TNFSF4: variants seen among roughly 807,000 people sequenced by gnomAD.
TNFSF4 encodes the protein TNF superfamily member 4.
In TNFSF4, 4 loss-of-function variants were observed where a neutral mutation model predicts 7.3. That is an observed-to-expected ratio of 0.55 (90% CI 0.27 to 1.25). The LOEUF (loss-of-function observed/expected upper bound fraction) is 1.25, where lower values mean the gene tolerates loss of function less well. Among genes scored for constraint, TNFSF4 ranks in the 50% most tolerant of loss-of-function variants. The pLI is 0.12. For synonymous variants in TNFSF4, 76 were observed against 83.7 expected (o/e 0.91, Z 0.50); for missense variants, 181 against 208.8 (o/e 0.87, Z 0.82).
At chr1:173,225,036 C>T in the TNFSF4 span, among the ~76,000 whole-genome samples, 1 of 152,164 alleles carries the variant, frequency 6.6e-6, no homozygotes, top group East Asian at 1.9e-4. Flanking sequence ...CTGTTTCCTG[C>T]CTGTCCTGGC....
intron 1 of TNFSF4, among the ~76,000 whole-genome samples, chr1:173,195,856 G>C (rs1649677151): frequency 6.6e-6 from 1 of 152,194 alleles, no homozygotes; most frequent in South Asian, 2.1e-4. Context: ...GAGGGTGGTA[G>C]TAGTGGGCTA....
the TNFSF4 span, chr1:173,418,380 T>G: frequency 2.0e-5 from 3 of 152,050 alleles, no homozygotes; most frequent in South Asian, 6.2e-4. Context: ...AAGCCCAGAG[T>G]GGCATTCTTA....
chr1:173,346,372 T>G, the TNFSF4 span, among the ~76,000 whole-genome samples: 1 of 152,028 alleles, frequency 6.6e-6, no homozygotes, highest in African/African-American at 2.4e-5. Flanking sequence ...GAAAAAAAAT[T>G]TTAAATCCCT....
chr1:173,332,659 G>T, the TNFSF4 span, among the ~76,000 whole-genome samples: 8 of 152,112 alleles, frequency 5.3e-5, no homozygotes, highest in Non-Finnish European at 7.3e-5. Flanking sequence ...TTCAAGACTT[G>T]CCTGACCAAT....
the TNFSF4 span, among the ~76,000 whole-genome samples, chr1:173,287,148 T>C: frequency 2.1e-4 from 32 of 152,060 alleles, no homozygotes; most frequent in African/African-American, 5.1e-4. Flanking sequence ...CCAGATCCGA[T>C]GCCCCCTGAT....
At chr1:173,330,146 AACCC>A in the TNFSF4 span, among the ~76,000 whole-genome samples, 2 of 152,208 alleles carry the variant, frequency 1.3e-5, no homozygotes, top group Non-Finnish European at 2.9e-5. Context: ...CTCAAATAGC[AACCC>A]ACTTTGTTGG....
the TNFSF4 span, chr1:173,362,520 G>A: frequency 9.3e-6 from 5 of 539,604 alleles, no homozygotes; most frequent in East Asian, 5.1e-5. Flanking sequence ...TAGTTATTTG[G>A]TTGGCTTTTG....
At chr1:173,365,545 C>T in the TNFSF4 span, among the ~76,000 whole-genome samples, 1 of 152,116 alleles carries the variant, frequency 6.6e-6, no homozygotes, top group Non-Finnish European at 1.5e-5. Context: ...TAATCTTAAA[C>T]GATCATTCAT....
the TNFSF4 span, among the ~76,000 whole-genome samples, chr1:173,378,771 C>T: frequency 5.3e-5 from 8 of 152,214 alleles, no homozygotes; most frequent in African/African-American, 9.6e-5. Context: ...CCCCATATCC[C>T]AGCCTCCCTA....
chr1:173,266,262 C>T, the TNFSF4 span, among the ~76,000 whole-genome samples: 3 of 152,060 alleles, frequency 2.0e-5, no homozygotes, highest in Admixed American at 6.6e-5. Flanking sequence ...AGAGTAGAAA[C>T]AGCTTTTGCA....
At chr1:173,219,699 A>G in the TNFSF4 span, among the ~76,000 whole-genome samples, 1 of 150,862 alleles carries the variant, frequency 6.6e-6, no homozygotes, top group Non-Finnish European at 1.5e-5. Context: ...CACACACACC[A>G]TGCAATACTA....
chr1:173,294,243 T>C, the TNFSF4 span, among the ~76,000 whole-genome samples: 2 of 151,998 alleles, frequency 1.3e-5, no homozygotes, highest in Admixed American at 1.3e-4. Flanking sequence ...GAAAATGTGG[T>C]ATATATACAA....
the TNFSF4 span, among the ~76,000 whole-genome samples, chr1:173,321,597 T>C: frequency 0.29 from 43,653 of 151,550 alleles, 6,663 homozygotes; most frequent in Non-Finnish European, 0.33. Context: ...AGGTCTAATA[T>C]ACAGAATCTA....
At chr1:173,448,644 T>C in the TNFSF4 span, among the ~76,000 whole-genome samples, 7 of 152,272 alleles carry the variant, frequency 4.6e-5, no homozygotes, top group African/African-American at 9.6e-5. Context: ...GGGGAGCTTT[T>C]TGAGCCAGGA....
the TNFSF4 span, among the ~76,000 whole-genome samples, chr1:173,339,717 T>A: frequency 6.6e-6 from 1 of 152,202 alleles, no homozygotes. Flanking sequence ...CACACAGGAA[T>A]CTTACCTGCT....
chr1:173,224,683 G>A, the TNFSF4 span, among the ~76,000 whole-genome samples: 2 of 152,210 alleles, frequency 1.3e-5, no homozygotes, highest in Non-Finnish European at 2.9e-5. Flanking sequence ...CACTGAGTAA[G>A]ACAAACTCAG....
the TNFSF4 span, among the ~76,000 whole-genome samples, chr1:173,394,368 T>C: frequency 1.3e-5 from 2 of 152,222 alleles, no homozygotes; most frequent in African/African-American, 4.8e-5. Context: ...TCAAGGGTCT[T>C]GCTAATCAAG....
In TNFSF4 at chr1:173,188,563, G is replaced by A; in HGVS notation, c.160C>T (p.His54Tyr). ...ATACTTTGAATTCGAGGATACCGAT[G>A]TGATACCTGAGGGAGGAAGAAAGAC... ...CLHFSALQVS[H>Y]RYPRIQSIKV... The change falls in exon 2 of 3, where the codon CAT becomes TAT. Residue 54 changes from histidine to tyrosine, a missense_variant. His to Tyr is a moderately conservative substitution (Grantham distance 83). Transcript: ENST00000281834. 1.2e-6 allele frequency: 2 copies of A among 1,612,006 alleles called. No homozygotes were observed. The highest frequency in any genetic ancestry group is 1.7e-6 in the Non-Finnish European group (2 of 1,178,300).
At chr1:173,174,138 T>C in the TNFSF4 span, among the ~76,000 whole-genome samples, 2 of 152,164 alleles carry the variant, frequency 1.3e-5, no homozygotes, top group African/African-American at 4.8e-5. Context: ...AAGGCCAAAA[T>C]GCTGCCAGTC....
Sources: allele counts gnomAD v4.1 joint callset (sites outside exome capture counted in the v4.1 genomes callset), GRCh38; gene constraint gnomAD v4.1.1; transcripts MANE v1.5; gene names NCBI Gene and HGNC (gene_info 2026-07-23, HGNC 2026-07-21).